CENPP: variants seen among roughly 807,000 people sequenced by gnomAD.
CENPP encodes centromere protein P.
CENPP carries 24 observed loss-of-function variants against 35.6 expected under a neutral mutation model. The ratio of observed to expected loss-of-function variants is 0.67; its 90% CI spans 0.49 to 0.95. The LOEUF (loss-of-function observed/expected upper bound fraction) is 0.95. Among genes scored for constraint, CENPP ranks in the 40% least tolerant of loss-of-function variants. The pLI is 0.00. For synonymous variants in CENPP, 120 were observed against 125.5 expected (o/e 0.96, Z 0.29); for missense variants, 332 against 345.3 (o/e 0.96, Z 0.31).
At position 92,348,629 on chromosome 9, in the gene CENPP, T is replaced by C. The variant is rs1312241388; in HGVS notation, c.467+2842T>C. On this transcript the variant is annotated intron_variant, in intron 4 of 7. Coordinates refer to ENST00000375587, the MANE Select transcript of CENPP (RefSeq NM_001012267.3). ...CTGGTCTCAAACTCCTGATCTCAGGTGATCCACCCGCCTTGGCCTCCCAAA... is the reference window on the plus strand; with the variant it reads ...CTGGTCTCAAACTCCTGATCTCAGGCGATCCACCCGCCTTGGCCTCCCAAA... Among the ~76,000 whole-genome samples the C allele has an allele frequency of 2.6e-5, 4 of 152,274 alleles. No homozygotes were observed. In the East Asian group the frequency reaches 7.7e-4, roughly 29 times the overall value.
At chr9:92,427,591 C>G (rs1236806342) in intron 5 of CENPP, among the ~76,000 whole-genome samples, 1 of 152,214 alleles carries the variant, frequency 6.6e-6, no homozygotes, top group Non-Finnish European at 1.5e-5. Context: ...AGCAATTCTT[C>G]TGCCTCGGCC....
intron 5 of CENPP, among the ~76,000 whole-genome samples, chr9:92,603,712 CCACATCCAG>C (rs989191856): frequency 7.2e-5 from 11 of 152,278 alleles, no homozygotes; most frequent in African/African-American, 2.4e-4. Flanking sequence ...TCTCCACACC[CCACATCCAG>C]CAAGCCCTGA....
chr9:92,517,352 A>C, intron 5 of CENPP: 1 of 466,294 alleles, frequency 2.1e-6, no homozygotes, highest in Middle Eastern at 5.7e-4. Flanking sequence ...ATGCACATAT[A>C]GACCAAAGCA....
intron 5 of CENPP, among the ~76,000 whole-genome samples, chr9:92,477,775 A>C (rs1021888311): frequency 3.3e-5 from 5 of 152,222 alleles, no homozygotes; most frequent in African/African-American, 1.2e-4. Context: ...ACTGTCAGGT[A>C]ATACGAGATC....
At chr9:92,400,859 A>C (rs368172875) in intron 5 of CENPP, among the ~76,000 whole-genome samples, 1 of 152,222 alleles carries the variant, frequency 6.6e-6, no homozygotes, top group African/African-American at 2.4e-5. Flanking sequence ...CACTTTGTGG[A>C]GGCTAAGCTT....
At chr9:92,553,988 C>G (rs981975015) in intron 5 of CENPP, among the ~76,000 whole-genome samples, 1 of 152,276 alleles carries the variant, frequency 6.6e-6, no homozygotes, top group East Asian at 1.9e-4. Context: ...TTGTCTCATT[C>G]CAGTTCTCAG....
At chr9:92,479,815 T>C (rs1434321834) in intron 5 of CENPP, among the ~76,000 whole-genome samples, 2 of 152,212 alleles carry the variant, frequency 1.3e-5, no homozygotes, top group African/African-American at 4.8e-5. Flanking sequence ...ACTCTTTACC[T>C]GAGTCTCTTG....
rs577701890 is a variant in CENPP at position 92,560,389 on chromosome 9, G to A, written c.565-50925G>A. On this transcript the variant is annotated intron_variant, in intron 5 of 7. Coordinates refer to ENST00000375587, the MANE Select transcript of CENPP (RefSeq NM_001012267.3). ...CATGAAGTTTGCCATCTAGTCTTGG[G>A]TATGAACCCGTACCTCCCCAGTTTC... Among the ~76,000 whole-genome samples the A allele has an allele frequency of 2.1e-3, 321 of 152,250 alleles. 1 individual carries two copies. The highest frequency in any genetic ancestry group is 7.6e-3 in the African/African-American group (315 of 41,554).
intron 5 of CENPP, among the ~76,000 whole-genome samples, chr9:92,483,518 A>C (rs867019938): frequency 2.6e-5 from 4 of 152,170 alleles, no homozygotes; most frequent in African/African-American, 9.7e-5. Context: ...ATGAGCCACC[A>C]TGGCCGGCCT....
intron 5 of CENPP, among the ~76,000 whole-genome samples, chr9:92,494,462 A>G (rs2131128645): frequency 6.6e-6 from 1 of 152,294 alleles, no homozygotes; most frequent in East Asian, 1.9e-4. Context: ...ATGAAGCTCA[A>G]CTTTTGTTCC....
chr9:92,486,232 C>T (rs1020150129), intron 5 of CENPP, among the ~76,000 whole-genome samples: 4 of 152,074 alleles, frequency 2.6e-5, no homozygotes, highest in African/African-American at 9.7e-5. Flanking sequence ...TGTAAATATG[C>T]ATAACATAGG....
chr9:92,607,960 GAACA>G (rs1315943715), intron 5 of CENPP, among the ~76,000 whole-genome samples: 1 of 152,176 alleles, frequency 6.6e-6, no homozygotes, highest in Non-Finnish European at 1.5e-5. Context: ...GCAACCAGCT[GAACA>G]AACACCCACT....
intron 1 of CENPP, among the ~76,000 whole-genome samples, chr9:92,329,472 G>A (rs944818113): frequency 6.6e-6 from 1 of 152,120 alleles, no homozygotes; most frequent in Non-Finnish European, 1.5e-5. Flanking sequence ...GTGAGCCACC[G>A]TGCCCGGCCG....
At position 92,615,267 on chromosome 9, in the gene CENPP, T is replaced by G; in HGVS notation, c.*2118T>G. 6.4e-6 allele frequency: 1 copy of G among 157,444 alleles called. No homozygotes were observed. Among genetic ancestry groups the G allele is most frequent in the South Asian group, 1.9e-4 (1 of 5,180 alleles). 9.8% of individuals were successfully genotyped at this position (157,444 alleles called of 1,614,324 possible). A position where few individuals can be genotyped will look rare whatever the true frequency, so the allele number is the denominator to read the frequency against. On this transcript the variant is annotated 3_prime_UTR_variant, in exon 8 of 8. Transcript: ENST00000375587. ...TCAGCACCTCCACAGGGACCCTGAG[T>G]CTACACTGCTCAGAATCGGCATCTG...
chr9:92,357,799 T>TCTCC lies in CENPP; in HGVS notation c.467+12016_467+12019dup, dbSNP rs375169064. ...TGTGAGCCACCGCACCCGGCCACTA[T>TCTCC]CTCCCTCACTTTTTAAGGACAGTTT... On this transcript the variant is annotated intron_variant, in intron 4 of 7. Transcript: ENST00000375587. 8.9e-3 allele frequency among the ~76,000 whole-genome samples: 1,355 copies of TCTCC among 152,114 alleles called. 20 individuals carry two copies. Among genetic ancestry groups the TCTCC allele is most frequent in the African/African-American group, 0.031 (1,296 of 41,504 alleles).
chr9:92,524,151 G>A (rs1848247782), intron 5 of CENPP, among the ~76,000 whole-genome samples: 2 of 152,070 alleles, frequency 1.3e-5, no homozygotes, highest in Admixed American at 6.6e-5. Context: ...TTTCCCAGCC[G>A]TTTTCTGTTT....
intron 4 of CENPP, among the ~76,000 whole-genome samples, chr9:92,357,405 T>C (rs917520500): frequency 1.3e-5 from 2 of 151,390 alleles, no homozygotes; most frequent in East Asian, 3.9e-4. Context: ...CTGCACTTTT[T>C]TTATTTTTTG....
intron 5 of CENPP, chr9:92,389,773 A>G (rs1467895796): frequency 1.1e-6 from 1 of 898,168 alleles, no homozygotes; most frequent in East Asian, 2.5e-5. Flanking sequence ...TGTAATCAAA[A>G]TACAATTCTA....
rs1851388570 is a variant in CENPP at position 92,614,999 on chromosome 9, A to C, written c.*1850A>C. 6.6e-6 allele frequency: 1 copy of C among 152,252 alleles called. No individual in the cohort carries two copies. The highest frequency in any genetic ancestry group is 2.1e-4 in the South Asian group (1 of 4,828). 9.4% of individuals were successfully genotyped at this position (152,252 alleles called of 1,614,324 possible). A position where few individuals can be genotyped will look rare whatever the true frequency, so the allele number is the denominator to read the frequency against. Reference sequence around the variant, plus strand: ...GCTCCTCAACCACCCCAGACACTGGAGTGTCAGGAAAGCACTGAGCTGTTG... The same window carrying C: ...GCTCCTCAACCACCCCAGACACTGGCGTGTCAGGAAAGCACTGAGCTGTTG... On this transcript the variant is annotated 3_prime_UTR_variant, in exon 8 of 8. Coordinates refer to ENST00000375587, the MANE Select transcript of CENPP (RefSeq NM_001012267.3).
Sources: gnomAD v4.1 joint callset for allele counts (sites outside exome capture counted in the v4.1 genomes callset) on GRCh38, gnomAD v4.1.1 for gene constraint, MANE v1.5 for transcripts, NCBI Gene and HGNC (gene_info 2026-07-23, HGNC 2026-07-21) for gene names.